Variants in SLC25A26 observed in about 807,000 individuals in gnomAD.
SLC25A26 encodes the protein mitochondrial S-adenosylmethionine carrier protein.
In SLC25A26, 36 loss-of-function variants were observed where a neutral mutation model predicts 37.8. The observed-to-expected ratio is 0.95, with a 90% CI of 0.73 to 1.26. The LOEUF (loss-of-function observed/expected upper bound fraction) is 1.26. Ranked by LOEUF, SLC25A26 falls within the 50% of genes most tolerant of loss-of-function variation. The pLI, the probability that SLC25A26 is intolerant of heterozygous loss-of-function variation, is 0.00. For missense variants in SLC25A26, 390 were observed against 331.1 expected (o/e 1.18, Z -1.38); for synonymous variants, 129 against 122.5 (o/e 1.05, Z -0.35).
chr3:66,138,651 G>C (rs1337647599), intron 1 of SLC25A26, among the ~76,000 whole-genome samples: 2 of 151,836 alleles, frequency 1.3e-5, no homozygotes, highest in African/African-American at 2.4e-5. Context: ...AGGGGGAGGG[G>C]GGGTAGGGAT....
intron 1 of SLC25A26, among the ~76,000 whole-genome samples, chr3:66,196,715 A>G (rs1458922306): frequency 5.3e-5 from 8 of 151,508 alleles, no homozygotes; most frequent in Non-Finnish European, 5.9e-5. Flanking sequence ...TAAAAAAACT[A>G]ATAAGAAATC....
At chr3:66,286,258 G>C (rs1422065217) in intron 5 of SLC25A26, among the ~76,000 whole-genome samples, 1 of 152,060 alleles carries the variant, frequency 6.6e-6, no homozygotes, top group African/African-American at 2.4e-5. Flanking sequence ...TCATCTCTAG[G>C]AACTCTGCCT....
intron 5 of SLC25A26, among the ~76,000 whole-genome samples, chr3:66,342,140 G>C (rs1003055078): frequency 6.6e-6 from 1 of 152,098 alleles, no homozygotes; most frequent in Non-Finnish European, 1.5e-5. Flanking sequence ...ATCACCTGTA[G>C]ATCTCTTGAA....
intron 1 of SLC25A26, among the ~76,000 whole-genome samples, chr3:66,200,521 T>C (rs2071095734): frequency 1.3e-5 from 2 of 152,236 alleles, no homozygotes; most frequent in South Asian, 4.1e-4. Flanking sequence ...ACAAAGACTA[T>C]ACACTGGTTA....
At chr3:66,328,361 G>A (rs145767790) in intron 5 of SLC25A26, among the ~76,000 whole-genome samples, 5 of 152,308 alleles carry the variant, frequency 3.3e-5, no homozygotes, top group South Asian at 2.1e-4. Flanking sequence ...CACTCCTCAC[G>A]TGAATCAGTG....
intron 1 of SLC25A26, among the ~76,000 whole-genome samples, chr3:66,145,198 A>C (rs1314348370): frequency 2.0e-5 from 3 of 152,212 alleles, no homozygotes; most frequent in Non-Finnish European, 4.4e-5. Context: ...AATGAATATC[A>C]TGTGAAAGGA....
intron 5 of SLC25A26, among the ~76,000 whole-genome samples, chr3:66,327,689 T>A (rs1267957660): frequency 2.0e-5 from 3 of 152,164 alleles, no homozygotes; most frequent in Non-Finnish European, 4.4e-5. Flanking sequence ...GTTGGATCAT[T>A]TGTTTTAAAA....
At chr3:66,137,809 A>C (rs1021860146) in intron 1 of SLC25A26, among the ~76,000 whole-genome samples, 22 of 152,030 alleles carry the variant, frequency 1.4e-4, no homozygotes, top group African/African-American at 5.1e-4. Context: ...AAAGCTAGTT[A>C]GTATAGTCAC....
chr3:66,180,249 G>C (rs1229227856), intron 1 of SLC25A26, among the ~76,000 whole-genome samples: 3 of 152,228 alleles, frequency 2.0e-5, no homozygotes, highest in Non-Finnish European at 4.4e-5. Flanking sequence ...TTCCTCTGAG[G>C]CTTTTTTAAA....
chr3:66,353,379 G>C (rs747509201), intron 6 of SLC25A26, among the ~76,000 whole-genome samples: 4 of 152,208 alleles, frequency 2.6e-5, no homozygotes, highest in Non-Finnish European at 4.4e-5. Context: ...TCTTTGTTCT[G>C]TAGATGTGAA....
intron 5 of SLC25A26, among the ~76,000 whole-genome samples, chr3:66,285,719 C>G (rs1453751002): frequency 1.3e-5 from 2 of 151,860 alleles, no homozygotes; most frequent in African/African-American, 4.8e-5. Flanking sequence ...CTTGGCCTCC[C>G]AAAGTGCTGG....
chr3:66,158,413 ATGT>A (rs1239903689), intron 1 of SLC25A26, among the ~76,000 whole-genome samples: 2 of 152,202 alleles, frequency 1.3e-5, no homozygotes, highest in Non-Finnish European at 2.9e-5. Flanking sequence ...TGTTATAAAC[ATGT>A]TGTACAAGTT....
intron 7 of SLC25A26, among the ~76,000 whole-genome samples, chr3:66,368,727 A>T (rs943209987): frequency 3.9e-5 from 6 of 152,172 alleles, no homozygotes; most frequent in African/African-American, 1.4e-4. Flanking sequence ...TTTAAAGAAC[A>T]GTGGTCCAGG....
At chr3:66,231,349 C>T (rs891012262) in intron 1 of SLC25A26, among the ~76,000 whole-genome samples, 1 of 151,884 alleles carries the variant, frequency 6.6e-6, no homozygotes. Context: ...TCAAGTACAA[C>T]CAGTAAATTA....
chr3:66,373,324 G>T (rs1229766714), intron 9 of SLC25A26, among the ~76,000 whole-genome samples: 1 of 152,192 alleles, frequency 6.6e-6, no homozygotes, highest in African/African-American at 2.4e-5. Context: ...ACTGGCTGGG[G>T]CCCTCACTGT....
chr3:66,301,946 G>A (rs976942220), intron 5 of SLC25A26, among the ~76,000 whole-genome samples: 2 of 152,190 alleles, frequency 1.3e-5, no homozygotes, highest in Non-Finnish European at 2.9e-5. Context: ...TCATAAGGTT[G>A]TTGGGAAAAT....
intron 1 of SLC25A26, among the ~76,000 whole-genome samples, chr3:66,235,600 G>C (rs1210481551): frequency 6.6e-6 from 1 of 152,168 alleles, no homozygotes; most frequent in African/African-American, 2.4e-5. Context: ...ATTATAAGCT[G>C]TTTCAAAATT....
At chr3:66,154,853 G>A (rs978413460) in intron 1 of SLC25A26, among the ~76,000 whole-genome samples, 4 of 152,158 alleles carry the variant, frequency 2.6e-5, no homozygotes, top group Non-Finnish European at 4.4e-5. Context: ...TATAAAATGG[G>A]CATATTCTAA....
intron 5 of SLC25A26, among the ~76,000 whole-genome samples, chr3:66,330,170 A>G (rs968565319): frequency 1.3e-5 from 2 of 151,924 alleles, no homozygotes; most frequent in African/African-American, 4.8e-5. Context: ...GTCAAAAGTG[A>G]CTCCAGGGTC....
Sources: gnomAD v4.1 joint callset for allele counts (sites outside exome capture counted in the v4.1 genomes callset) on GRCh38, gnomAD v4.1.1 for gene constraint, MANE v1.5 for transcripts, NCBI Gene and HGNC (gene_info 2026-07-23, HGNC 2026-07-21) for gene names.